Variants in FAM81A observed in about 807,000 individuals in gnomAD.
FAM81A encodes family with sequence similarity 81 member A.
In FAM81A, 19 loss-of-function variants were observed where a neutral mutation model predicts 46.7. The observed-to-expected ratio is 0.41, with a 90% CI of 0.28 to 0.60. The LOEUF (loss-of-function observed/expected upper bound fraction) is 0.60. Among genes scored for constraint, FAM81A ranks in the 20% least tolerant of loss-of-function variants. The probability of loss-of-function intolerance (pLI) is 0.34; values close to 1 mark genes in which losing one functional copy is unlikely to be tolerated. For synonymous variants in FAM81A, 183 were observed against 152.9 expected (o/e 1.20, Z -1.45); for missense variants, 377 against 453.5 (o/e 0.83, Z 1.53).
At chr15:59,415,182 G>A (rs112302372) in intron 2 of FAM81A, among the ~76,000 whole-genome samples, 217 of 148,394 alleles carry the variant, frequency 1.5e-3, no homozygotes, top group South Asian at 5.8e-3. Flanking sequence ...GCAGTGGCAC[G>A]ATCTCGGCTC....
chr15:59,410,474 C>T lies in FAM81A; in HGVS notation c.-78+8116C>T, dbSNP rs1043896136. ...GTAAACCTTATCCTCCTCTGTGCCT[C>T]CCACACTCACCTCTGGCTTCCTCCC... On this transcript the variant is annotated intron_variant, in intron 2 of 4. Transcript: ENST00000558348. 3.3e-5 allele frequency among the ~76,000 whole-genome samples: 5 copies of T among 152,256 alleles called. No homozygotes were observed. The South Asian group carries it at 8.3e-4, about 25-fold the overall frequency.
At chr15:59,461,293 T>C (rs1483135973) in intron 3 of FAM81A, among the ~76,000 whole-genome samples, 6 of 152,102 alleles carry the variant, frequency 3.9e-5, no homozygotes, top group Non-Finnish European at 8.8e-5. Flanking sequence ...CTTCTTTCTT[T>C]CCTTTTCTTT....
chr15:59,465,101 T>G (rs1294879050), intron 3 of FAM81A, among the ~76,000 whole-genome samples: 1 of 152,182 alleles, frequency 6.6e-6, no homozygotes, highest in Non-Finnish European at 1.5e-5. Context: ...CTTGGCACCT[T>G]TGTCCAAAAT....
chr15:59,519,545 T>C (rs1327905067), intron 8 of FAM81A, among the ~76,000 whole-genome samples: 1 of 150,520 alleles, frequency 6.6e-6, no homozygotes, highest in Non-Finnish European at 1.5e-5. Flanking sequence ...TTCTTTTCTT[T>C]CTTCCTTTCT....
At chr15:59,416,489 G>T (rs1267705866) in intron 2 of FAM81A, among the ~76,000 whole-genome samples, 1 of 152,200 alleles carries the variant, frequency 6.6e-6, no homozygotes, top group Non-Finnish European at 1.5e-5. Flanking sequence ...TGGCAGAGAA[G>T]CCGTGAGATG....
At chr15:59,499,028 G>GT (rs2082063387) in intron 4 of FAM81A, among the ~76,000 whole-genome samples, 1 of 152,092 alleles carries the variant, frequency 6.6e-6, no homozygotes, top group Non-Finnish European at 1.5e-5. Flanking sequence ...TCTTTTCCTA[G>GT]TTTCCTAGTT....
At chr15:59,507,156 T>G (rs1368237823) in intron 4 of FAM81A, 57 bp from the exon 5 acceptor site, 1 of 1,559,172 alleles carries the variant, frequency 6.4e-7, no homozygotes, top group African/African-American at 1.4e-5. Context: ...ATAAGGAAGC[T>G]TTTGCGCATT....
chr15:59,424,979 A>G (rs1259626421), intron 2 of FAM81A, among the ~76,000 whole-genome samples: 1 of 152,228 alleles, frequency 6.6e-6, no homozygotes, highest in East Asian at 1.9e-4. Flanking sequence ...AAAACTATTT[A>G]CTGCAACTTT....
chr15:59,507,084 C>G (rs1425577972), intron 4 of FAM81A, 129 bp from the exon 5 acceptor site: 6 of 1,209,770 alleles, frequency 5.0e-6, no homozygotes, highest in Non-Finnish European at 6.8e-6. Flanking sequence ...TCATTTGAAC[C>G]TCTGTTCAAA....
intron 2 of FAM81A, among the ~76,000 whole-genome samples, chr15:59,408,705 T>G (rs1473729909): frequency 1.3e-5 from 2 of 152,262 alleles, no homozygotes; most frequent in East Asian, 3.9e-4. Flanking sequence ...GGTGCGCACC[T>G]GTAATCCCAG....
intron 1 of FAM81A, chr15:59,445,586 CCT>C: frequency 6.6e-6 from 1 of 152,282 alleles, no homozygotes; most frequent in African/African-American, 2.4e-5. Flanking sequence ...AGTCCAGCCT[CCT>C]CTCTCTGAGT....
chr15:59,522,102 A>G lies in FAM81A; in HGVS notation c.*724A>G, dbSNP rs1290102154. ...ATTTAAAACTATTTTTGAATTATCC[A>G]CAACCTGTATAGTGATAGCCATATA... On this transcript the variant is annotated 3_prime_UTR_variant, in exon 9 of 9. Coordinates refer to ENST00000288228, the MANE Select transcript of FAM81A (RefSeq NM_152450.3). The G allele has an allele frequency of 6.6e-6, 1 of 152,662 alleles. No individual in the cohort carries two copies. The highest frequency in any genetic ancestry group is 1.5e-5 in the Non-Finnish European group (1 of 68,032). The allele number at this position is 152,662 out of a possible 1,614,324, so 9.5% of individuals were successfully genotyped here.
At chr15:59,480,794 T>C (rs1016848174) in intron 3 of FAM81A, among the ~76,000 whole-genome samples, 4 of 152,200 alleles carry the variant, frequency 2.6e-5, no homozygotes, top group Admixed American at 2.6e-4. Flanking sequence ...CATGATGATA[T>C]ATTGTTCCAA....
intron 4 of FAM81A, among the ~76,000 whole-genome samples, chr15:59,499,998 G>A (rs144634250): frequency 2.5e-4 from 38 of 152,028 alleles, no homozygotes; most frequent in African/African-American, 1.2e-4. Flanking sequence ...GATTACAGGC[G>A]TGCACCACCA....
chr15:59,487,324 T>G (rs1331919754), intron 3 of FAM81A, among the ~76,000 whole-genome samples: 1 of 149,510 alleles, frequency 6.7e-6, no homozygotes, highest in Non-Finnish European at 1.5e-5. Context: ...AGAAGAAACC[T>G]TCAAATAAAC....
chr15:59,467,903 G>A (rs1448380298), intron 3 of FAM81A, among the ~76,000 whole-genome samples: 1 of 152,158 alleles, frequency 6.6e-6, no homozygotes, highest in Non-Finnish European at 1.5e-5. Flanking sequence ...AGTCAAATGA[G>A]AGTTTTTAGC....
chr15:59,491,488 A>C (rs372363399), intron 3 of FAM81A, among the ~76,000 whole-genome samples: 1 of 152,214 alleles, frequency 6.6e-6, no homozygotes, highest in East Asian at 1.9e-4. Context: ...TAGAATTAAT[A>C]AGATCTAGTA....
At chr15:59,473,263 A>G (rs1420117831) in intron 3 of FAM81A, among the ~76,000 whole-genome samples, 2 of 152,198 alleles carry the variant, frequency 1.3e-5, no homozygotes, top group Non-Finnish European at 2.9e-5. Context: ...TAAGCAATTG[A>G]TAAGTTTTAA....
chr15:59,449,682 T>C (rs2081393321), intron 1 of FAM81A, among the ~76,000 whole-genome samples: 1 of 141,818 alleles, frequency 7.1e-6, no homozygotes, highest in African/African-American at 2.6e-5. Flanking sequence ...CGCGGGAGGC[T>C]GAGGCAGGAG....
Sources: allele counts gnomAD v4.1 joint callset (sites outside exome capture counted in the v4.1 genomes callset), GRCh38; gene constraint gnomAD v4.1.1; transcripts MANE v1.5; gene names NCBI Gene and HGNC (gene_info 2026-07-23, HGNC 2026-07-21).